The following TRIQK variants were observed in gnomAD, a reference collection of about 807,000 sequenced individuals.
The protein encoded by TRIQK is triple QxxK/R motif-containing protein.
A neutral mutation model predicts 10.8 loss-of-function variants in TRIQK; 10 were observed. The observed-to-expected ratio is 0.92, with a 90% CI of 0.57 to 1.57. The LOEUF (loss-of-function observed/expected upper bound fraction) is 1.57, where lower values mean the gene tolerates loss of function less well. TRIQK is among the 40% of genes most tolerant of loss of function. The pLI is 0.00. For missense variants in TRIQK, 107 were observed against 97.7 expected (o/e 1.09, Z -0.40); for synonymous variants, 33 against 33.7 (o/e 0.98, Z 0.07).
In TRIQK at chr8:92,928,510, T is replaced by C. The variant is rs148876362; in HGVS notation, c.-21-11500A>G. 2.7e-3 allele frequency among the ~76,000 whole-genome samples: 410 copies of C among 152,314 alleles called. 2 individuals carry two copies. Among genetic ancestry groups the C allele is most frequent in the Non-Finnish European group, 4.7e-3 (318 of 68,018 alleles). ...TGAAAATGCATATTCCTGGGCCCCA[T>C]CACAGTCCTACTCAATCAGAATCTT... On this transcript the variant is annotated intron_variant, in intron 2 of 4. Coordinates refer to ENST00000521988, the MANE Select transcript of TRIQK (RefSeq NM_001171797.2).
At chr8:92,965,945 C>G (rs62520816) in intron 1 of TRIQK, 62 bp downstream of exon 1, 15,411 of 152,642 alleles carry the variant, frequency 0.1, 1,842 homozygotes, top group African/African-American at 0.28. Context: ...CGCTTTCATT[C>G]CCGGACCCCG....
intron 4 of TRIQK, chr8:92,886,958 T>G (rs1816516572): frequency 3.2e-6 from 1 of 308,064 alleles, no homozygotes; most frequent in African/African-American, 2.2e-5. Context: ...GTCATTAGTA[T>G]TATTATTTCT....
intron 1 of TRIQK, chr8:92,965,480 C>G (rs1339687386): frequency 6.6e-6 from 1 of 152,204 alleles, no homozygotes; most frequent in Non-Finnish European, 1.5e-5. Flanking sequence ...TAAGAGGAAG[C>G]AGGAAAAAGA....
chr8:92,979,708 A>C (rs1812967102), intron 1 of TRIQK, among the ~76,000 whole-genome samples: 1 of 152,028 alleles, frequency 6.6e-6, no homozygotes, highest in African/African-American at 2.4e-5. Flanking sequence ...TAGTTTTCTT[A>C]ATGGCAACTA....
chr8:92,971,132 T>C (rs116505954), upstream of TRIQK, among the ~76,000 whole-genome samples: 2 of 152,252 alleles, frequency 1.3e-5, no homozygotes, highest in African/African-American at 4.8e-5. Flanking sequence ...TTCTGAGTTC[T>C]CTATCTGTTC....
At chr8:92,903,537 T>C (rs1395253240) in intron 3 of TRIQK, among the ~76,000 whole-genome samples, 3 of 152,220 alleles carry the variant, frequency 2.0e-5, no homozygotes, top group South Asian at 2.1e-4. Flanking sequence ...AGGATTATTA[T>C]ACTCTGGTTG....
At chr8:92,952,560 G>T (rs1419193493) in intron 2 of TRIQK, among the ~76,000 whole-genome samples, 4 of 151,800 alleles carry the variant, frequency 2.6e-5, no homozygotes, top group African/African-American at 7.3e-5. Flanking sequence ...AAACAATAAT[G>T]ACTGAGAATA....
At chr8:92,967,651 G>C (rs926676292), upstream of TRIQK, among the ~76,000 whole-genome samples, 6 of 151,420 alleles carry the variant, frequency 4.0e-5, no homozygotes, top group Non-Finnish European at 8.8e-5. Context: ...GTGAAACCCC[G>C]TCTCTACTAA....
rs758550065 is a variant in TRIQK at position 92,916,985 on chromosome 8, C to T, written c.5G>A (p.Gly2Asp). ...TTTTATAGTAGCAGCATCTTTTCTA[C>T]CCATCTTTGATCTCCAAAATGCCTG... is the stretch of plus-strand genomic sequence containing the variant. M[G>D]RKDAATIKLP... Residue 2 changes from glycine (G) to aspartate (D), a missense_variant, in exon 3 of 5, where the codon GGT (glycine) becomes GAT (aspartate). Gly to Asp is a moderately conservative substitution (Grantham distance 94). Coordinates refer to ENST00000521988, the MANE Select transcript of TRIQK (RefSeq NM_001171797.2). The T allele has an allele frequency of 1.3e-6, 2 of 1,504,470 alleles. No individual in the cohort carries two copies. The highest frequency in any genetic ancestry group is 2.6e-5 in the South Asian group (2 of 77,160). The allele number at this position is 1,504,470 out of a possible 1,614,324, so 93.2% of individuals were successfully genotyped here.
At chr8:92,974,084 T>C (rs2130739308) in intron 1 of TRIQK, 1 of 152,404 alleles carries the variant, frequency 6.6e-6, no homozygotes, top group Non-Finnish European at 1.5e-5. Flanking sequence ...GCAACCTACA[T>C]GGTTGTCACC....
chr8:92,949,811 AAAGAAAG>A (rs1811783238), intron 2 of TRIQK, among the ~76,000 whole-genome samples: 1 of 143,420 alleles, frequency 7.0e-6, no homozygotes, highest in South Asian at 2.4e-4. Flanking sequence ...AGAAAGAAAG[AAAGAAAG>A]AAAGAAAGAA....
chr8:92,919,579 G>A (rs572662441), intron 2 of TRIQK, among the ~76,000 whole-genome samples: 2 of 151,718 alleles, frequency 1.3e-5, no homozygotes, highest in African/African-American at 2.4e-5. Context: ...GTTCATCAGC[G>A]ATATTACCTT....
chr8:93,011,239 T>A (rs908241349), intron 1 of TRIQK, among the ~76,000 whole-genome samples: 1 of 151,426 alleles, frequency 6.6e-6, no homozygotes, highest in Admixed American at 6.6e-5. Context: ...GTATTTCTGT[T>A]GACCCATTTA....
At chr8:92,917,962 A>C (rs1313258758) in intron 2 of TRIQK, among the ~76,000 whole-genome samples, 1 of 152,026 alleles carries the variant, frequency 6.6e-6, no homozygotes, top group Non-Finnish European at 1.5e-5. Context: ...CTCACAAATG[A>C]GTGAGAAAAA....
In TRIQK at chr8:92,886,713, G is replaced by A. The variant is rs1816502514; in HGVS notation, c.170C>T (p.Ala57Val). Residue 57 changes from alanine (A) to valine (V), a missense_variant, in exon 5 of 5, where the codon GCT becomes GTT. Transcript: ENST00000521988. ...GIKEVGLVLA[A>V]ILALLLAFYA... ...GAAAGCCAGTAGTAGTGCCAATATA[G>A]CTGCAAGTACAAGGCCAACTTCCTG... 1 of 1,531,594 alleles carries A rather than the reference G, an allele frequency of 6.5e-7. No homozygotes were observed. Among genetic ancestry groups the A allele is most frequent in the Admixed American group, 2.0e-5 (1 of 50,738 alleles). The allele number at this position is 1,531,594 out of a possible 1,614,324, so 94.9% of individuals were successfully genotyped here.
At chr8:92,949,824 AAGAAAGAAAG>A (rs1199825803) in intron 2 of TRIQK, among the ~76,000 whole-genome samples, 7 of 134,504 alleles carry the variant, frequency 5.2e-5, no homozygotes, top group African/African-American at 1.7e-4. Flanking sequence ...GAAAGAAAGA[AAGAAAGAAAG>A]AAAGAAAGGG....
At chr8:92,962,890 A>T (rs1001787844) in intron 1 of TRIQK, among the ~76,000 whole-genome samples, 2 of 152,186 alleles carry the variant, frequency 1.3e-5, no homozygotes, top group African/African-American at 4.8e-5. Flanking sequence ...GAAAGAGAGT[A>T]GGAGTAAAAG....
chr8:93,017,479 G>A (rs1813396752), intron 1 of TRIQK: 1 of 152,210 alleles, frequency 6.6e-6, no homozygotes, highest in Non-Finnish European at 1.5e-5. Flanking sequence ...CACTCCTGTA[G>A]TGGCAGAGCA....
At chr8:93,008,535 A>C (rs1293673420) in intron 1 of TRIQK, among the ~76,000 whole-genome samples, 1 of 152,176 alleles carries the variant, frequency 6.6e-6, no homozygotes, top group African/African-American at 2.4e-5. Flanking sequence ...TAAGAATCCA[A>C]AGCAATCTTC....
Sources: allele counts gnomAD v4.1 joint callset (sites outside exome capture counted in the v4.1 genomes callset), GRCh38; gene constraint gnomAD v4.1.1; transcripts MANE v1.5; gene names NCBI Gene and HGNC (gene_info 2026-07-23, HGNC 2026-07-21).